The following CSMD2 variants were observed in gnomAD, a reference collection of about 807,000 sequenced individuals.
CSMD2 encodes CUB and sushi domain-containing protein 2.
A neutral mutation model predicts 398.5 loss-of-function variants in CSMD2; 130 were observed. That is an observed-to-expected ratio of 0.33 (90% CI 0.28 to 0.38). CSMD2 has a LOEUF of 0.38. Ranked by LOEUF, CSMD2 falls within the 10% of genes least tolerant of loss-of-function variation. CSMD2 has a pLI of 1.00. For synonymous variants in CSMD2, 1,828 were observed against 1,908.5 expected, an observed-to-expected ratio of 0.96 and a Z score of 1.10; for missense variants, 3,829 against 4,764.9, an observed-to-expected ratio of 0.80 and a Z score of 5.78.
chr1:33,616,056 T>C (rs1370514073), intron 39 of CSMD2, among the ~76,000 whole-genome samples: 1 of 152,204 alleles, frequency 6.6e-6, no homozygotes, highest in Non-Finnish European at 1.5e-5. Flanking sequence ...GCCTAGCATA[T>C]AGTAGATATT....
chr1:34,078,869 C>A (rs1003270533), intron 2 of CSMD2, among the ~76,000 whole-genome samples: 3 of 152,230 alleles, frequency 2.0e-5, no homozygotes, highest in African/African-American at 4.8e-5. Flanking sequence ...GCAGACACTG[C>A]GGAGTCATCC....
intron 3 of CSMD2, among the ~76,000 whole-genome samples, chr1:34,006,669 T>C (rs555302272): frequency 6.6e-6 from 1 of 152,266 alleles, no homozygotes; most frequent in African/African-American, 2.4e-5. Flanking sequence ...TCATTTTTTT[T>C]CCATCTAATA....
intron 3 of CSMD2, among the ~76,000 whole-genome samples, chr1:34,010,627 CTTTTTTTTT>C (rs891595610): frequency 1.5e-4 from 22 of 148,836 alleles, no homozygotes. Context: ...TCTTTTTTTT[CTTTTTTTTT>C]GTGACGGAGT....
chr1:34,085,949 A>T (rs1189051700), intron 2 of CSMD2, among the ~76,000 whole-genome samples: 1 of 151,730 alleles, frequency 6.6e-6, no homozygotes, highest in East Asian at 1.9e-4. Flanking sequence ...CTGTATGTCA[A>T]TCTCCATTTC....
chr1:33,719,698 T>C (rs189611510), intron 19 of CSMD2, among the ~76,000 whole-genome samples: 4 of 152,344 alleles, frequency 2.6e-5, no homozygotes, highest in Non-Finnish European at 4.4e-5. Context: ...CCCATTTACC[T>C]GCTCAAAGGT....
rs1283874960 is a variant in CSMD2 at position 33,698,799 on chromosome 1, C to G, written c.3879G>C (p.Leu1293=). ...GGTCCCAGGTCCGGCGCTCTCCACT[C>G]AGACACAGCAGCTCCTCACTACCCC... ...SLRGSEELLC[L]SGERRTWDRP... is the part of the protein sequence containing the mutation. Residue 1293 remains leucine, a synonymous_variant, in exon 24 of 71, where the codon CTG becomes CTC. Coordinates refer to ENST00000373381, the MANE Select transcript of CSMD2 (RefSeq NM_001281956.2). 1 of 1,614,152 alleles carries G rather than the reference C, an allele frequency of 6.2e-7. No individual in the cohort carries two copies. The highest frequency in any genetic ancestry group is 8.5e-7 in the Non-Finnish European group (1 of 1,180,004).
intron 3 of CSMD2, among the ~76,000 whole-genome samples, chr1:33,983,020 C>T (rs1646226481): frequency 6.6e-6 from 1 of 152,134 alleles, no homozygotes; most frequent in African/African-American, 2.4e-5. Flanking sequence ...CAGAGACCTG[C>T]AGGATCAGGG....
intron 3 of CSMD2, among the ~76,000 whole-genome samples, chr1:33,998,104 A>G (rs1646784151): frequency 6.6e-6 from 1 of 152,184 alleles, no homozygotes; most frequent in Admixed American, 6.5e-5. Context: ...GAATGGATTA[A>G]TCCATTCACG....
intron 2 of CSMD2, among the ~76,000 whole-genome samples, chr1:34,047,922 A>G (rs910197984): frequency 5.9e-5 from 9 of 152,248 alleles, no homozygotes; most frequent in African/African-American, 9.6e-5. Flanking sequence ...CTTGTTTGCC[A>G]TGACTGCTTA....
chr1:33,781,895 G>A (rs1052067321), intron 12 of CSMD2, among the ~76,000 whole-genome samples: 13 of 142,060 alleles, frequency 9.2e-5, no homozygotes, highest in Admixed American at 3.5e-4. Context: ...CCCCTCCCCC[G>A]CCCCCTGACC....
rs1245565532 is a variant in CSMD2, at chr1:33,570,841, C to T, written c.7957+691G>A. Among the ~76,000 whole-genome samples, 5 of 152,112 alleles carry T rather than the reference C, an allele frequency of 3.3e-5. No homozygotes were observed. The East Asian group carries it at 9.6e-4, about 29-fold the overall frequency. ...TCCAACTTGTGACAATTCTGAAGGG[C>T]CATCCAGAGCTCCCTGGGGGGTGAG... On this transcript the variant is annotated intron_variant, in intron 51 of 70. Coordinates refer to ENST00000373381, the MANE Select transcript of CSMD2 (RefSeq NM_001281956.2).
chr1:34,067,600 A>T (rs2148285987), intron 2 of CSMD2, among the ~76,000 whole-genome samples: 1 of 152,278 alleles, frequency 6.6e-6, no homozygotes, highest in East Asian at 1.9e-4. Flanking sequence ...GCTCCTTGGA[A>T]ATGCATCTCA....
rs75417080 is a variant in CSMD2 at position 33,816,526 on chromosome 1, G to T, written c.1324+3187C>A. 7.1e-3 allele frequency among the ~76,000 whole-genome samples: 1,075 copies of T among 152,172 alleles called. 12 individuals carry two copies. Among genetic ancestry groups the T allele is most frequent in the African/African-American group, 0.025 (1,030 of 41,506 alleles). On this transcript the variant is annotated intron_variant, in intron 9 of 70. Transcript: ENST00000373381. ...CACTTGTATCTGTTTTATTTATTAG[G>T]GTTCTGCAAAAACTTATTTTTGAAT...
chr1:33,571,412 C>G (rs1659583492), intron 51 of CSMD2, 120 bp downstream of exon 51: 1 of 643,042 alleles, frequency 1.6e-6, no homozygotes, highest in Non-Finnish European at 2.3e-6. Flanking sequence ...GTTTAAAAAG[C>G]AGTACACTGC....
chr1:33,791,754 C>T (rs1396349228), intron 11 of CSMD2, among the ~76,000 whole-genome samples: 2 of 152,210 alleles, frequency 1.3e-5, no homozygotes, highest in African/African-American at 4.8e-5. Flanking sequence ...TGCCAAAGTG[C>T]TGGGATTACA....
rs1337918723 is a variant in CSMD2 at position 34,163,470 on chromosome 1, C to T, written c.187+1441G>A. ...CCTGACCAAGAACCCCAACATGCCG[C>T]GGTTAAGCGGTGGGCGACACGGTCT... On this transcript the variant is annotated intron_variant, in intron 1 of 70. Coordinates refer to ENST00000373381, the MANE Select transcript of CSMD2 (RefSeq NM_001281956.2). The surrounding 1 kb of genome is among the most constrained non-coding windows in gnomAD (Gnocchi z 5.4). Among the ~76,000 whole-genome samples the T allele has an allele frequency of 6.6e-6, 1 of 152,098 alleles. No homozygotes were observed. Among genetic ancestry groups the T allele is most frequent in the Non-Finnish European group, 1.5e-5 (1 of 68,028 alleles).
intron 2 of CSMD2, among the ~76,000 whole-genome samples, chr1:34,066,851 G>A (rs538080891): frequency 6.6e-6 from 1 of 152,306 alleles, no homozygotes; most frequent in Admixed American, 6.5e-5. Context: ...AGGACAGACA[G>A]CACTATCTGC....
At chr1:33,876,111 A>G (rs1640823435) in intron 5 of CSMD2, among the ~76,000 whole-genome samples, 1 of 152,214 alleles carries the variant, frequency 6.6e-6, no homozygotes, top group African/African-American at 2.4e-5. Flanking sequence ...GTTTACAGAA[A>G]TAAAGAAATT....
intron 53 of CSMD2, among the ~76,000 whole-genome samples, chr1:33,561,614 C>T (rs79178342): frequency 6.6e-6 from 1 of 152,284 alleles, no homozygotes; most frequent in South Asian, 2.1e-4. Flanking sequence ...GGAGGGCAGG[C>T]AGGGAAGCGG....
Sources: gnomAD v4.1 joint callset for allele counts (sites outside exome capture counted in the v4.1 genomes callset) on GRCh38, gnomAD v4.1.1 for gene constraint, Gnocchi (gnomAD v3.1) non-coding constraint, MANE v1.5 for transcripts, NCBI Gene and HGNC (gene_info 2026-07-23, HGNC 2026-07-21) for gene names.